Variants in TMEM232 observed in about 807,000 individuals in gnomAD.
The protein encoded by TMEM232 is transmembrane protein 232.
A neutral mutation model predicts 78.8 loss-of-function variants in TMEM232; 80 were observed. The ratio of observed to expected loss-of-function variants is 1.01; its 90% CI spans 0.85 to 1.22. The LOEUF is 1.22. Ranked by LOEUF, TMEM232 falls within the 50% of genes most tolerant of loss-of-function variation. The pLI, the probability that TMEM232 is intolerant of heterozygous loss-of-function variation, is 0.00. For missense variants in TMEM232, 881 were observed against 742.2 expected (o/e 1.19, Z -2.17); for synonymous variants, 297 against 254.3 (o/e 1.17, Z -1.60).
At chr5:110,575,009 G>A (rs1272526296) in intron 10 of TMEM232, among the ~76,000 whole-genome samples, 2 of 151,946 alleles carry the variant, frequency 1.3e-5, no homozygotes, top group Non-Finnish European at 2.9e-5. Context: ...TCAAAAGAGA[G>A]GGTAGTCATG....
chr5:110,558,469 G>A (rs975481678), intron 11 of TMEM232, among the ~76,000 whole-genome samples: 1 of 152,092 alleles, frequency 6.6e-6, no homozygotes, highest in Non-Finnish European at 1.5e-5. Flanking sequence ...ATTAGGCAGG[G>A]TCTTCAGGCA....
At chr5:110,452,058 T>C (rs1160320878) in intron 12 of TMEM232, among the ~76,000 whole-genome samples, 1 of 152,112 alleles carries the variant, frequency 6.6e-6, no homozygotes, top group African/African-American at 2.4e-5. Flanking sequence ...AGAATGTTTT[T>C]CCCATCTTAC....
intron 10 of TMEM232, among the ~76,000 whole-genome samples, chr5:110,571,730 C>A (rs922736925): frequency 6.6e-6 from 1 of 150,928 alleles, no homozygotes; most frequent in Admixed American, 6.6e-5. Context: ...TAGTGGTGCA[C>A]ATCTGTAGTC....
chr5:110,428,747 T>C (rs553613911), intron 12 of TMEM232, among the ~76,000 whole-genome samples: 1 of 151,746 alleles, frequency 6.6e-6, no homozygotes, highest in South Asian at 2.1e-4. Context: ...CCAGTACAAC[T>C]TTTCTTTGAC....
chr5:110,476,038 C>T (rs1271746473), intron 12 of TMEM232, among the ~76,000 whole-genome samples: 3 of 151,634 alleles, frequency 2.0e-5, no homozygotes, highest in Non-Finnish European at 4.4e-5. Context: ...GGCTTTATTA[C>T]TAACTCTGTA....
chr5:110,406,608 T>C (rs1163878614), intron 2 of TMEM232, among the ~76,000 whole-genome samples: 1 of 152,030 alleles, frequency 6.6e-6, no homozygotes, highest in East Asian at 1.9e-4. Flanking sequence ...ACCAGACTCA[T>C]CTTGCAAGAA....
rs1756454058 is a variant in TMEM232 at position 110,419,660 on chromosome 5, T to C, written c.*920A>G. 6.6e-6 allele frequency among the ~76,000 whole-genome samples: 1 copy of C among 152,116 alleles called. No individual in the cohort carries two copies. Among genetic ancestry groups the C allele is most frequent in the South Asian group, 2.1e-4 (1 of 4,828 alleles). On this transcript the variant is annotated 3_prime_UTR_variant, in exon 14 of 14. Coordinates refer to ENST00000455884, the MANE Select transcript of TMEM232 (RefSeq NM_001039763.4). ...CCTTAGCCGGCTTCACTAATTTATG[T>C]TACCTTTCTGACCTGGTAGTCATTT...
chr5:110,735,026 T>C (rs1799017333), intron 1 of TMEM232: 1 of 152,194 alleles, frequency 6.6e-6, no homozygotes, highest in Non-Finnish European at 1.5e-5. Context: ...CTAAAAAAGA[T>C]ATAAATAAAA....
intron 11 of TMEM232, among the ~76,000 whole-genome samples, chr5:110,552,447 T>C (rs957817710): frequency 9.9e-5 from 15 of 152,028 alleles, no homozygotes; most frequent in Admixed American, 3.9e-4. Flanking sequence ...AAGGTGAAGA[T>C]TGTCTTTCAA....
intron 1 of TMEM232, among the ~76,000 whole-genome samples, chr5:110,687,861 T>G (rs1793620628): frequency 6.6e-6 from 1 of 152,102 alleles, no homozygotes; most frequent in South Asian, 2.1e-4. Flanking sequence ...ACACTTACAT[T>G]AGAAAACACC....
chr5:110,462,072 T>A (rs921882169), intron 12 of TMEM232, among the ~76,000 whole-genome samples: 18 of 152,212 alleles, frequency 1.2e-4, no homozygotes, highest in African/African-American at 4.1e-4. Context: ...GAAATACATT[T>A]TGTAAGACTG....
intron 8 of TMEM232, among the ~76,000 whole-genome samples, chr5:110,617,310 G>A (rs1267508363): frequency 6.6e-6 from 1 of 152,016 alleles, no homozygotes; most frequent in Non-Finnish European, 1.5e-5. Context: ...CAGTCAAAGA[G>A]TGCAAAGTTT....
At chr5:110,536,338 T>A (rs1357508567) in intron 11 of TMEM232, among the ~76,000 whole-genome samples, 2 of 152,204 alleles carry the variant, frequency 1.3e-5, no homozygotes, top group Non-Finnish European at 2.9e-5. Context: ...CTCCTTGGTA[T>A]TTGAGGGCAA....
At chr5:110,684,113 AT>A (rs1158231402) in intron 1 of TMEM232, among the ~76,000 whole-genome samples, 1 of 152,034 alleles carries the variant, frequency 6.6e-6, no homozygotes, top group Non-Finnish European at 1.5e-5. Flanking sequence ...ATGATAATTA[AT>A]GATAAATCAT....
At chr5:110,572,981 C>T (rs969447948) in intron 10 of TMEM232, among the ~76,000 whole-genome samples, 2 of 151,926 alleles carry the variant, frequency 1.3e-5, no homozygotes, top group African/African-American at 4.8e-5. Context: ...TTTGCGTGAC[C>T]CTGTGGCAGC....
At chr5:110,706,665 C>T (rs1214634540) in intron 1 of TMEM232, among the ~76,000 whole-genome samples, 1 of 152,124 alleles carries the variant, frequency 6.6e-6, no homozygotes, top group Non-Finnish European at 1.5e-5. Context: ...ATTGAATATT[C>T]TTCCACCCAG....
chr5:110,604,596 C>T (rs558628724), intron 10 of TMEM232, among the ~76,000 whole-genome samples: 1 of 152,142 alleles, frequency 6.6e-6, no homozygotes, highest in African/African-American at 2.4e-5. Context: ...CTTTTGTTTT[C>T]AAGGAATATA....
At chr5:110,512,574 G>A (rs1202433896) in intron 12 of TMEM232, among the ~76,000 whole-genome samples, 1 of 152,114 alleles carries the variant, frequency 6.6e-6, no homozygotes, top group African/African-American at 2.4e-5. Flanking sequence ...TGAGTTACTT[G>A]GAAACATCAA....
At chr5:110,462,865 C>A (rs1360676968) in intron 12 of TMEM232, among the ~76,000 whole-genome samples, 2 of 152,104 alleles carry the variant, frequency 1.3e-5, no homozygotes, top group African/African-American at 2.4e-5. Flanking sequence ...AAAGATGTGA[C>A]AATTGCGGCA....
Sources: gnomAD v4.1 joint callset for allele counts (sites outside exome capture counted in the v4.1 genomes callset) on GRCh38, gnomAD v4.1.1 for gene constraint, MANE v1.5 for transcripts, NCBI Gene and HGNC (gene_info 2026-07-23, HGNC 2026-07-21) for gene names.